The following COL4A2 variants were observed in gnomAD, a reference collection of about 807,000 sequenced individuals.
COL4A2 encodes the protein collagen alpha-2(IV) chain.
In COL4A2, 99 loss-of-function variants were observed where a neutral mutation model predicts 200.2. The ratio of observed to expected loss-of-function variants is 0.49; its 90% CI spans 0.42 to 0.58. COL4A2 has a LOEUF of 0.58. Among genes scored for constraint, COL4A2 ranks in the 20% least tolerant of loss-of-function variants. COL4A2 has a pLI of 0.00. For synonymous variants in COL4A2, 897 were observed against 900.6 expected, an observed-to-expected ratio of 1.00 and a Z score of 0.07; for missense variants, 1,950 against 2,314.1, an observed-to-expected ratio of 0.84 and a Z score of 3.23.
chr13:110,507,821 C>A, intron 46 of COL4A2, 114 bp from the exon 47 acceptor site: 1 of 1,133,260 alleles, frequency 8.8e-7, no homozygotes, highest in South Asian at 1.4e-5. Flanking sequence ...GGCTAAACTC[C>A]ACCAGGTGCC....
chr13:110,430,332 C>T, intron 8 of COL4A2, 69 bp from the exon 9 acceptor site: 4 of 1,581,684 alleles, frequency 2.5e-6, no homozygotes, highest in Non-Finnish European at 2.6e-6. Flanking sequence ...TCCAACTCTG[C>T]AATAAAAGGT....
intron 3 of COL4A2, among the ~76,000 whole-genome samples, chr13:110,339,798 G>T (rs78620913): frequency 1.3e-5 from 2 of 152,198 alleles, no homozygotes; most frequent in Non-Finnish European, 2.9e-5. Context: ...GAGGTGCTCG[G>T]TGCCGAGGAG....
At chr13:110,484,799 C>A in intron 32 of COL4A2, 106 bp from the exon 33 acceptor site, 1 of 1,430,536 alleles carries the variant, frequency 7.0e-7, no homozygotes, top group Non-Finnish European at 9.3e-7. Flanking sequence ...GGCTTCCCTG[C>A]TTGGGGGAGA....
intron 3 of COL4A2, among the ~76,000 whole-genome samples, chr13:110,341,414 T>C (rs1344851402): frequency 6.6e-6 from 1 of 152,198 alleles, no homozygotes; most frequent in Admixed American, 6.5e-5. Context: ...TGTGGCTGAT[T>C]AGGTGTTGTT....
chr13:110,353,652 T>A (rs1877058265), intron 3 of COL4A2, among the ~76,000 whole-genome samples: 1 of 152,224 alleles, frequency 6.6e-6, no homozygotes, highest in Admixed American at 6.5e-5. Context: ...CCCTAATAAG[T>A]CAATATTTCT....
chr13:110,385,642 C>T (rs74343079), intron 4 of COL4A2, among the ~76,000 whole-genome samples: 526 of 10,336 alleles, frequency 0.051, 121 homozygotes, highest in African/African-American at 0.068. Flanking sequence ...TAGGCCGTGG[C>T]TACAGTGTGT....
At position 110,307,993 on chromosome 13, in the gene COL4A2, C is replaced by T. The variant is rs976586162; in HGVS notation, c.44+46C>T. On this transcript the variant is annotated intron_variant, in intron 2 of 47. Coordinates refer to ENST00000360467, the MANE Select transcript of COL4A2 (RefSeq NM_001846.4). The surrounding 1 kb of genome is among the most constrained non-coding windows in gnomAD (Gnocchi z 5.0). ...TCCCCGTGGGTCACGCGCGCATGGA[C>T]CCTTCGGTGTAACTCTCGGGGACTG... is the stretch of plus-strand genomic sequence containing the variant. The T allele has an allele frequency of 3.7e-6, 6 of 1,611,510 alleles. No homozygotes were observed. Among genetic ancestry groups the T allele is most frequent in the South Asian group, 2.2e-5 (2 of 90,920 alleles).
Position 110,353,786 on chromosome 13 carries a change from C to T in COL4A2, c.100-3686C>T, listed in dbSNP as rs187251821. ...GTGGGAACACACATACACACATGCA[C>T]GTGCGTGTGTGCACGCACGGCTGGC... On this transcript the variant is annotated intron_variant, in intron 3 of 47. Coordinates refer to ENST00000360467, the MANE Select transcript of COL4A2 (RefSeq NM_001846.4). Among the ~76,000 whole-genome samples the T allele has an allele frequency of 3.9e-5, 6 of 152,322 alleles. No homozygotes were observed. In the East Asian group the frequency reaches 7.7e-4, roughly 20 times the overall value.
intron 3 of COL4A2, among the ~76,000 whole-genome samples, chr13:110,350,668 C>G (rs1205099793): frequency 6.6e-6 from 1 of 152,210 alleles, no homozygotes; most frequent in African/African-American, 2.4e-5. Flanking sequence ...TTCACAATGC[C>G]CATCCGACCA....
chr13:110,451,621 C>T (rs981357643), intron 20 of COL4A2, among the ~76,000 whole-genome samples: 1 of 152,190 alleles, frequency 6.6e-6, no homozygotes, highest in Non-Finnish European at 1.5e-5. Context: ...CACTCACTAT[C>T]GTGAGAACAG....
At chr13:110,456,352 G>A (rs1442148688) in intron 20 of COL4A2, 7 of 274,874 alleles carry the variant, frequency 2.5e-5, no homozygotes, top group Admixed American at 1.0e-4. Context: ...GGATGCACAC[G>A]TGTGCCCCCA....
intron 4 of COL4A2, among the ~76,000 whole-genome samples, chr13:110,400,236 G>A (rs1431068499): frequency 1.3e-5 from 2 of 152,064 alleles, no homozygotes; most frequent in African/African-American, 4.8e-5. Context: ...GAAAAAGTTG[G>A]TCTTCAGATA....
intron 25 of COL4A2, among the ~76,000 whole-genome samples, 174 bp downstream of exon 25, chr13:110,465,780 C>T (rs568125255): frequency 6.6e-6 from 1 of 152,286 alleles, no homozygotes; most frequent in African/African-American, 2.4e-5. Flanking sequence ...ACCAGCCTCC[C>T]CTCAGCAGCT....
intron 47 of COL4A2, among the ~76,000 whole-genome samples, chr13:110,510,747 T>C (rs1044801951): frequency 3.3e-5 from 5 of 152,240 alleles, no homozygotes; most frequent in Non-Finnish European, 7.3e-5. Flanking sequence ...TGCCAGCCTC[T>C]AAGACTTCTC....
At chr13:110,444,954 G>A (rs1002454901) in intron 16 of COL4A2, among the ~76,000 whole-genome samples, 6 of 152,120 alleles carry the variant, frequency 3.9e-5, no homozygotes, top group African/African-American at 7.2e-5. Context: ...GGGTTCAAGC[G>A]ATCCTCCCAC....
At chr13:110,456,322 G>A (rs1302349925) in intron 20 of COL4A2, 2 of 229,344 alleles carry the variant, frequency 8.7e-6, no homozygotes, top group Non-Finnish European at 1.7e-5. Context: ...AGGCATGAAA[G>A]AGGAAACAGT....
chr13:110,458,979 C>A, intron 22 of COL4A2, 45 bp downstream of exon 22: 2 of 1,478,560 alleles, frequency 1.4e-6, no homozygotes, highest in Non-Finnish European at 1.8e-6. Context: ...ACTCTGAGGC[C>A]TCCCCAGGTG....
chr13:110,311,051 G>T (rs1884967236), intron 3 of COL4A2, among the ~76,000 whole-genome samples: 2 of 152,156 alleles, frequency 1.3e-5, no homozygotes, highest in African/African-American at 4.8e-5. Flanking sequence ...AGTCTCCTGG[G>T]GTGTGGGTGC....
chr13:110,321,093 C>T (rs1184756919), intron 3 of COL4A2, among the ~76,000 whole-genome samples: 1 of 152,042 alleles, frequency 6.6e-6, no homozygotes, highest in Non-Finnish European at 1.5e-5. Flanking sequence ...ACCTTACAAA[C>T]ACAGTGTTGA....
Sources: allele counts gnomAD v4.1 joint callset (sites outside exome capture counted in the v4.1 genomes callset), GRCh38; gene constraint gnomAD v4.1.1; non-coding constraint Gnocchi (gnomAD v3.1); transcripts MANE v1.5; gene names NCBI Gene and HGNC (gene_info 2026-07-23, HGNC 2026-07-21).